Variants in ACSM6 observed in about 807,000 individuals in gnomAD.
ACSM6 encodes the protein acyl-CoA synthetase medium chain family member 6.
A neutral mutation model predicts 51.1 loss-of-function variants in ACSM6; 35 were observed. The observed-to-expected ratio is 0.69, with a 90% CI of 0.52 to 0.91. ACSM6 has a LOEUF of 0.91. Among genes scored for constraint, ACSM6 ranks in the 40% least tolerant of loss-of-function variants. The probability of loss-of-function intolerance (pLI) is 0.00; values close to 1 mark genes in which losing one functional copy is unlikely to be tolerated. For missense variants in ACSM6, 509 were observed against 584.1 expected, an observed-to-expected ratio of 0.87 and a Z score of 1.32; for synonymous variants, 172 against 207.3, an observed-to-expected ratio of 0.83 and a Z score of 1.46.
chr10:95,217,675 G>A (rs1392910940), intron 8 of ACSM6, among the ~76,000 whole-genome samples: 2 of 152,106 alleles, frequency 1.3e-5, no homozygotes, highest in African/African-American at 4.8e-5. Context: ...AAATTCTTTG[G>A]TGACTAAGAA....
chr10:95,225,483 T>C, intron 10 of ACSM6, 92 bp downstream of exon 10: 2 of 958,856 alleles, frequency 2.1e-6, no homozygotes, highest in Non-Finnish European at 2.9e-6. Flanking sequence ...TGCCAAATAC[T>C]TTTGTCCCAA....
At chr10:95,197,243 G>A (rs149553437) in intron 2 of ACSM6, among the ~76,000 whole-genome samples, 3,116 of 152,242 alleles carry the variant, frequency 0.02, 98 homozygotes, top group African/African-American at 0.068. Context: ...TAGTCGGGTG[G>A]GACGAGAGAC....
intron 4 of ACSM6, 126 bp from the exon 5 acceptor site, chr10:95,210,524 A>C: frequency 1.6e-5 from 16 of 971,650 alleles, no homozygotes; most frequent in South Asian, 4.8e-5. Flanking sequence ...CTAACAAATA[A>C]TCCTCAAATA....
intron 2 of ACSM6, among the ~76,000 whole-genome samples, chr10:95,199,966 T>C (rs1315403747): frequency 6.6e-6 from 1 of 152,158 alleles, no homozygotes; most frequent in Non-Finnish European, 1.5e-5. Flanking sequence ...GATCTAGAAC[T>C]AGAAATACTA....
intron 10 of ACSM6, 151 bp from the exon 11 acceptor site, chr10:95,228,493 T>C: frequency 1.5e-6 from 1 of 688,578 alleles, no homozygotes; most frequent in Non-Finnish European, 2.1e-6. Flanking sequence ...TCCGTGTTTG[T>C]TGAGTTTTCT....
At chr10:95,214,025 C>T (rs899840812) in intron 7 of ACSM6, among the ~76,000 whole-genome samples, 4 of 152,128 alleles carry the variant, frequency 2.6e-5, no homozygotes, top group African/African-American at 9.7e-5. Context: ...TTCTTAAACC[C>T]TTAAAAGCAC....
At chr10:95,197,420 G>A (rs11593023) in intron 2 of ACSM6, among the ~76,000 whole-genome samples, 75,271 of 150,234 alleles carry the variant, frequency 0.5, 19,533 homozygotes, top group Non-Finnish European at 0.58. Flanking sequence ...GTAGTAGGAG[G>A]GCAGGGTGAT....
chr10:95,216,803 A>G (rs776754798), intron 8 of ACSM6, among the ~76,000 whole-genome samples: 1 of 152,206 alleles, frequency 6.6e-6, no homozygotes, highest in Non-Finnish European at 1.5e-5. Flanking sequence ...TAAAGAGGAT[A>G]TAGATGTGGA....
At chr10:95,201,142 T>C (rs984916929) in intron 2 of ACSM6, among the ~76,000 whole-genome samples, 8 of 152,326 alleles carry the variant, frequency 5.3e-5, no homozygotes, top group African/African-American at 1.9e-4. Flanking sequence ...CACTCTTCTC[T>C]ACTTACAGGA....
At chr10:95,204,798 T>C (rs987218720) in intron 3 of ACSM6, among the ~76,000 whole-genome samples, 4 of 152,178 alleles carry the variant, frequency 2.6e-5, no homozygotes, top group Admixed American at 6.5e-5. Context: ...TTTCTGAATA[T>C]GACACCAGAT....
At chr10:95,214,024 C>A (rs2034920490) in intron 7 of ACSM6, among the ~76,000 whole-genome samples, 1 of 152,072 alleles carries the variant, frequency 6.6e-6, no homozygotes, top group Non-Finnish European at 1.5e-5. Context: ...TTTCTTAAAC[C>A]CTTAAAAGCA....
chr10:95,228,463 G>T (rs2035063009), intron 10 of ACSM6, 181 bp from the exon 11 acceptor site: 2 of 547,298 alleles, frequency 3.7e-6, no homozygotes, highest in Non-Finnish European at 3.0e-6. Context: ...GAAGTTAAGA[G>T]AAATGACCAA....
chr10:95,213,864 G>A (rs2034919405), intron 7 of ACSM6, among the ~76,000 whole-genome samples: 1 of 152,122 alleles, frequency 6.6e-6, no homozygotes, highest in African/African-American at 2.4e-5. Flanking sequence ...AAACAACCAT[G>A]GTAGCAAACA....
chr10:95,225,598 A>T, intron 10 of ACSM6: 1 of 433,960 alleles, frequency 2.3e-6, no homozygotes, highest in South Asian at 5.0e-5. Context: ...ATATTTGCAC[A>T]TTTTTGATGA....
At chr10:95,199,493 T>A (rs1277447001) in intron 2 of ACSM6, among the ~76,000 whole-genome samples, 11 of 151,760 alleles carry the variant, frequency 7.2e-5, no homozygotes, top group Non-Finnish European at 1.3e-4. Context: ...AAGCCAAAAT[T>A]GACAAATGGG....
exon 3 of ACSM6, chr10:95,202,120 C>T: frequency 3.9e-6 from 6 of 1,552,242 alleles, no homozygotes; most frequent in Non-Finnish European, 4.4e-6. Flanking sequence ...TGCCCTTAGC[C>T]ATGGAGACCG....
At chr10:95,216,492 G>C (rs923754322) in intron 8 of ACSM6, among the ~76,000 whole-genome samples, 3 of 152,216 alleles carry the variant, frequency 2.0e-5, no homozygotes, top group Non-Finnish European at 2.9e-5. Flanking sequence ...TCAAAGGAAA[G>C]ATAATGAACC....
At chr10:95,213,432 TCC>T (rs2034914599) in intron 7 of ACSM6, among the ~76,000 whole-genome samples, 1 of 152,158 alleles carries the variant, frequency 6.6e-6, no homozygotes, top group Admixed American at 6.5e-5. Context: ...TATCCATCTA[TCC>T]CAAAAGAAAC....
chr10:95,219,391 A>G (rs541616748), intron 8 of ACSM6, among the ~76,000 whole-genome samples: 68 of 152,294 alleles, frequency 4.5e-4, no homozygotes, highest in African/African-American at 1.6e-3. Context: ...ACTAAAAAAC[A>G]AACATATTCT....
Sources: allele counts gnomAD v4.1 joint callset (sites outside exome capture counted in the v4.1 genomes callset), GRCh38; gene constraint gnomAD v4.1.1; transcripts MANE v1.5; gene names NCBI Gene and HGNC (gene_info 2026-07-23, HGNC 2026-07-21).